The following ALMS1 variants were observed in gnomAD, a reference collection of about 807,000 sequenced individuals.
ALMS1 encodes the protein centrosome-associated protein ALMS1.
In ALMS1, 271 loss-of-function variants were observed where a neutral mutation model predicts 352.2. The observed-to-expected ratio is 0.77, with a 90% CI of 0.70 to 0.85. The LOEUF is 0.85. ALMS1 is among the 40% of genes least tolerant of loss of function. The probability of loss-of-function intolerance (pLI) is 0.00; values close to 1 mark genes in which losing one functional copy is unlikely to be tolerated. For synonymous variants in ALMS1, 1,865 were observed against 1,761.2 expected (o/e 1.06, Z -1.48); for missense variants, 5,445 against 4,870.7 (o/e 1.12, Z -3.51).
intron 1 of ALMS1, among the ~76,000 whole-genome samples, chr2:73,396,446 C>G (rs1292214994): frequency 6.6e-6 from 1 of 150,778 alleles, no homozygotes; most frequent in East Asian, 2.0e-4. Context: ...ATATTGACCT[C>G]ATAAAGTGAA....
Position 73,477,253 on chromosome 2 carries a change from G to C in ALMS1, c.7675-12381G>C, listed in dbSNP as rs146791701. ...CTGTTGAAAAGACTCTTCTTTCCCT[G>C]TTGAATTTTCATGACCTCTTTGCTG... On this transcript the variant is annotated intron_variant, in intron 9 of 22. Transcript: ENST00000613296. Among the ~76,000 whole-genome samples the C allele has an allele frequency of 2.0e-3, 300 of 152,116 alleles. 5 individuals carry two copies. Among genetic ancestry groups the C allele is most frequent in the Non-Finnish European group, 5.7e-4 (39 of 67,940 alleles).
In ALMS1 at chr2:73,453,874, T is replaced by C. The variant is rs755252895; in HGVS notation, c.7347T>C (p.Tyr2449=). 1.2e-6 allele frequency: 2 copies of C among 1,614,170 alleles called. No homozygotes were observed. Among genetic ancestry groups the C allele is most frequent in the Non-Finnish European group, 1.7e-6 (2 of 1,180,012 alleles). The change falls in exon 8 of 23, where the codon TAT becomes TAC. Residue 2449 remains tyrosine, a synonymous_variant. Coordinates refer to ENST00000613296, the MANE Select transcript of ALMS1 (RefSeq NM_001378454.1). ...VSDVLLNFFP[Y]VSPKTSITDS... The stretch of plus-strand genomic sequence containing the variant: ...ATGTTCTTCTAAACTTCTTTCCATA[T>C]GTTTCACCCAAGACAAGTATAACAG...
At chr2:73,446,096 A>T (rs1288886480) in intron 7 of ALMS1, among the ~76,000 whole-genome samples, 2 of 152,114 alleles carry the variant, frequency 1.3e-5, no homozygotes, top group Admixed American at 6.6e-5. Flanking sequence ...ATTCTTCTTT[A>T]ACATCGTGCA....
chr2:73,553,359 A>G (rs755535886), intron 13 of ALMS1, among the ~76,000 whole-genome samples: 28 of 152,232 alleles, frequency 1.8e-4, no homozygotes, highest in Non-Finnish European at 3.5e-4. Context: ...AACACAGGAA[A>G]TGGGAAACGA....
At chr2:73,547,717 T>C (rs1383918920) in intron 12 of ALMS1, among the ~76,000 whole-genome samples, 1 of 152,206 alleles carries the variant, frequency 6.6e-6, no homozygotes, top group Non-Finnish European at 1.5e-5. Flanking sequence ...TGGTTTGATT[T>C]ATACTTGTAA....
chr2:73,427,080 G>T (rs767206671), intron 6 of ALMS1, among the ~76,000 whole-genome samples: 3 of 152,158 alleles, frequency 2.0e-5, no homozygotes, highest in African/African-American at 4.8e-5. Context: ...TATTGAGGCA[G>T]CCTAACTCTT....
chr2:73,591,877 G>A (rs1393981555), intron 16 of ALMS1, among the ~76,000 whole-genome samples: 1 of 152,134 alleles, frequency 6.6e-6, no homozygotes, highest in South Asian at 2.1e-4. Context: ...CTACAAAATT[G>A]TATGATCATT....
chr2:73,420,411 A>G (rs982855439), intron 3 of ALMS1, among the ~76,000 whole-genome samples: 1 of 152,202 alleles, frequency 6.6e-6, no homozygotes, highest in East Asian at 1.9e-4. Flanking sequence ...AAAGGATTGT[A>G]AAAACAAACA....
At chr2:73,461,011 G>A (rs916708579) in intron 9 of ALMS1, among the ~76,000 whole-genome samples, 4 of 152,228 alleles carry the variant, frequency 2.6e-5, no homozygotes, top group African/African-American at 7.2e-5. Flanking sequence ...CACCTCTGGG[G>A]GCAGGGCATA....
At chr2:73,422,529 T>G (rs944031171) in intron 3 of ALMS1, among the ~76,000 whole-genome samples, 1 of 152,158 alleles carries the variant, frequency 6.6e-6, no homozygotes, top group East Asian at 1.9e-4. Context: ...CAAATCTCAC[T>G]CTGGCATTTC....
chr2:73,408,759 G>A lies in ALMS1; in HGVS notation c.450+12G>A, dbSNP rs1553398856. 14 of 1,571,640 alleles carry A rather than the reference G, an allele frequency of 8.9e-6. No individual in the cohort carries two copies. The highest frequency in any genetic ancestry group is 1.2e-5 in the Non-Finnish European group (14 of 1,153,772). ...CTGGGGATGATCAGGTATGTCTTCT[G>A]TAACTGGCTAACTTTTTTTTTTTGA... On this transcript the variant is annotated intron_variant, in intron 2 of 22. Transcript: ENST00000613296.
chr2:73,448,250 CA>C lies in ALMS1; in HGVS notation c.1724del (p.His575ProfsTer20). On this transcript the variant is annotated frameshift_variant, in exon 8 of 23. Transcript: ENST00000613296. LOFTEE classifies it high-confidence loss of function. ...TATPTVLSSSHSHRGKPSIFY... is the reference protein window; with the variant it reads ...TATPTVLSSSXSHRGKPSIFY... ...AACACCAACAGTACTCTCTAGTTCC[CA>C]CTCACATAGGGGGAAGCCCAGCATT... The C allele has an allele frequency of 1.2e-6, 2 of 1,613,872 alleles. No individual in the cohort carries two copies. The highest frequency in any genetic ancestry group is 1.1e-5 in the South Asian group (1 of 91,076).
At position 73,405,535 on chromosome 2, in the gene ALMS1, T is replaced by C. The variant is rs1274356002; in HGVS notation, c.325-3087T>C. On this transcript the variant is annotated intron_variant, in intron 1 of 22. Transcript: ENST00000613296. The stretch of plus-strand genomic sequence containing the variant: ...GTTTATATTTTCAAATAACTATTGG[T>C]TTTCTTGATTTTTTTCCTACTGTTT... 3.3e-5 allele frequency among the ~76,000 whole-genome samples: 5 copies of C among 151,976 alleles called. No homozygotes were observed. The East Asian group carries it at 9.6e-4, about 29-fold the overall frequency.
At chr2:73,585,109 A>G (rs1215703624) in intron 16 of ALMS1, among the ~76,000 whole-genome samples, 1 of 152,118 alleles carries the variant, frequency 6.6e-6, no homozygotes, top group African/African-American at 2.4e-5. Context: ...TATCTTTTTC[A>G]TATAATGACA....
chr2:73,556,700 T>TTTTA (rs1674551941), intron 13 of ALMS1, among the ~76,000 whole-genome samples: 1 of 151,612 alleles, frequency 6.6e-6, no homozygotes, highest in South Asian at 2.1e-4. Flanking sequence ...TTTTAGAATG[T>TTTTA]TTTTATTTTA....
At chr2:73,387,498 G>C (rs1670563449) in intron 1 of ALMS1, among the ~76,000 whole-genome samples, 1 of 152,166 alleles carries the variant, frequency 6.6e-6, no homozygotes, top group Non-Finnish European at 1.5e-5. Flanking sequence ...TCAGGCAAAG[G>C]GGAGGGAAAG....
At chr2:73,411,967 T>G (rs1671085971) in intron 2 of ALMS1, among the ~76,000 whole-genome samples, 1 of 152,244 alleles carries the variant, frequency 6.6e-6, no homozygotes, top group African/African-American at 2.4e-5. Context: ...TTCCGGCTAC[T>G]GCTTCGGTCA....
chr2:73,501,985 C>T (rs1021452266), intron 10 of ALMS1, among the ~76,000 whole-genome samples: 1 of 152,042 alleles, frequency 6.6e-6, no homozygotes, highest in African/African-American at 2.4e-5. Flanking sequence ...TTTTACACAT[C>T]TACTAAATAT....
chr2:73,559,978 A>G (rs1674623539), intron 15 of ALMS1, among the ~76,000 whole-genome samples: 1 of 152,214 alleles, frequency 6.6e-6, no homozygotes, highest in Middle Eastern at 3.2e-3. Flanking sequence ...CTTGGCAGTG[A>G]TTTCTCAGAT....
Sources: allele counts gnomAD v4.1 joint callset (sites outside exome capture counted in the v4.1 genomes callset), GRCh38; gene constraint gnomAD v4.1.1; transcripts MANE v1.5; gene names NCBI Gene and HGNC (gene_info 2026-07-23, HGNC 2026-07-21).